Variants in DTNB observed in about 807,000 individuals in gnomAD.
DTNB encodes the protein dystrobrevin beta.
Under a neutral mutation model 90.7 loss-of-function variants are expected in DTNB, and 63 were observed. The observed-to-expected ratio is 0.69, with a 90% confidence interval of 0.57 to 0.86. The LOEUF (loss-of-function observed/expected upper bound fraction) is 0.86. DTNB is among the 40% of genes least tolerant of loss of function. The probability of loss-of-function intolerance (pLI) is 0.00; values close to 1 mark genes in which losing one functional copy is unlikely to be tolerated. For missense variants in DTNB, 744 were observed against 807.1 expected, an observed-to-expected ratio of 0.92 and a Z score of 0.95; for synonymous variants, 277 against 286.7, an observed-to-expected ratio of 0.97 and a Z score of 0.34.
chr2:25,561,527 C>G (rs2058257052), intron 8 of DTNB, among the ~76,000 whole-genome samples: 1 of 152,192 alleles, frequency 6.6e-6, no homozygotes, highest in African/African-American at 2.4e-5. Flanking sequence ...CTCCAAATCT[C>G]ATGTTGAAAT....
At chr2:25,467,781 G>T (rs2062067633) in intron 10 of DTNB, among the ~76,000 whole-genome samples, 1 of 152,090 alleles carries the variant, frequency 6.6e-6, no homozygotes. Context: ...AAGATGAAAT[G>T]CTTATTGTTC....
intron 4 of DTNB, among the ~76,000 whole-genome samples, chr2:25,616,931 C>CAAAAAA (rs70947896): frequency 5.7e-5 from 4 of 70,552 alleles, no homozygotes; most frequent in East Asian, 4.2e-4. Context: ...GACCCCGTCT[C>CAAAAAA]AAAAAAAAAA....
At chr2:25,571,804 C>T (rs766759683) in intron 8 of DTNB, among the ~76,000 whole-genome samples, 34 of 151,976 alleles carry the variant, frequency 2.2e-4, no homozygotes, top group Non-Finnish European at 3.2e-4. Flanking sequence ...CAATGTATAT[C>T]GGCAGTGGGG....
At chr2:25,609,633 C>T (rs1002050672) in intron 4 of DTNB, among the ~76,000 whole-genome samples, 1 of 140,956 alleles carries the variant, frequency 7.1e-6, no homozygotes, top group Non-Finnish European at 1.5e-5. Context: ...TGTTGCTATG[C>T]ATAAACATTT....
intron 6 of DTNB, among the ~76,000 whole-genome samples, chr2:25,595,531 T>C (rs1330882000): frequency 1.3e-5 from 2 of 152,174 alleles, no homozygotes; most frequent in Non-Finnish European, 2.9e-5. Flanking sequence ...TAGCAACCAT[T>C]TGTTAGGTGT....
At chr2:25,379,234 A>T in intron 20 of DTNB, 56 bp downstream of exon 20, 1 of 1,295,258 alleles carries the variant, frequency 7.7e-7, no homozygotes, top group Non-Finnish European at 9.9e-7. Context: ...GGGGAAGGGA[A>T]GATGCTGAGG....
At chr2:25,546,843 CTTTTT>C (rs930703040) in intron 8 of DTNB, among the ~76,000 whole-genome samples, 1 of 145,598 alleles carries the variant, frequency 6.9e-6, no homozygotes, top group African/African-American at 2.5e-5. Context: ...ATCTTCTATT[CTTTTT>C]TTTTTTTTCT....
intron 4 of DTNB, among the ~76,000 whole-genome samples, chr2:25,609,203 C>A (rs946144629): frequency 6.6e-6 from 1 of 152,202 alleles, no homozygotes; most frequent in Non-Finnish European, 1.5e-5. Context: ...CTATTACTTA[C>A]AACTAAGAAC....
chr2:25,633,089 G>C (rs527571784), intron 3 of DTNB, among the ~76,000 whole-genome samples: 1 of 152,310 alleles, frequency 6.6e-6, no homozygotes, highest in Non-Finnish European at 1.5e-5. Context: ...ACAATTGCTA[G>C]AAATAAGATC....
intron 6 of DTNB, among the ~76,000 whole-genome samples, chr2:25,584,637 A>G (rs1244766554): frequency 5.9e-5 from 9 of 151,640 alleles, no homozygotes; most frequent in Admixed American, 1.3e-4. Flanking sequence ...ACTCACTGCA[A>G]CCTCCACCTC....
intron 8 of DTNB, among the ~76,000 whole-genome samples, chr2:25,537,274 A>T (rs2080050149): frequency 6.6e-6 from 1 of 152,164 alleles, no homozygotes; most frequent in Non-Finnish European, 1.5e-5. Flanking sequence ...TTTATAATGA[A>T]ACACTGCATC....
intron 9 of DTNB, among the ~76,000 whole-genome samples, chr2:25,511,783 A>G (rs1363812694): frequency 1.3e-5 from 2 of 152,196 alleles, no homozygotes; most frequent in South Asian, 2.1e-4. Flanking sequence ...ATTCATCTCA[A>G]TAAACTCTAT....
intron 1 of DTNB, among the ~76,000 whole-genome samples, chr2:25,661,425 A>G (rs1399309545): frequency 6.6e-6 from 1 of 152,256 alleles, no homozygotes; most frequent in Non-Finnish European, 1.5e-5. Context: ...AAAAAGTTGC[A>G]CATAATAACT....
At chr2:25,667,907 G>T (rs950506673) in intron 1 of DTNB, among the ~76,000 whole-genome samples, 12 of 152,144 alleles carry the variant, frequency 7.9e-5, no homozygotes, top group Non-Finnish European at 1.8e-4. Flanking sequence ...ACAAACTGTG[G>T]TGCTTCCATA....
intron 10 of DTNB, among the ~76,000 whole-genome samples, chr2:25,472,837 T>C (rs1461659682): frequency 1.3e-5 from 2 of 152,208 alleles, no homozygotes; most frequent in Non-Finnish European, 2.9e-5. Context: ...TGAGCCAAGA[T>C]TGTGCCACTG....
At chr2:25,611,415 AG>A (rs999361374) in intron 4 of DTNB, among the ~76,000 whole-genome samples, 15 of 152,324 alleles carry the variant, frequency 9.8e-5, no homozygotes, top group African/African-American at 3.1e-4. Flanking sequence ...TAACATTCTA[AG>A]GATTATATAC....
rs1298725081 is a variant in DTNB, at chr2:25,650,973, AAT to A, written c.67+1619_67+1620del. On this transcript the variant is annotated intron_variant, in intron 2 of 20. Coordinates refer to ENST00000406818, the MANE Select transcript of DTNB (RefSeq NM_021907.5). ...GAGACTCCCTCTCAAAAAAAAAAAA[AAT>A]AATAATAATAAGTAGCACAGATTTA... Among the ~76,000 whole-genome samples, 73 of 148,172 alleles carry A rather than the reference AAT, an allele frequency of 4.9e-4. 4 individuals are homozygous for A. Among genetic ancestry groups the A allele is most frequent in the Non-Finnish European group, 5.5e-4 (36 of 65,886 alleles).
intron 1 of DTNB, among the ~76,000 whole-genome samples, chr2:25,659,090 T>TA (rs991932736): frequency 3.7e-4 from 55 of 148,180 alleles, no homozygotes; most frequent in African/African-American, 8.4e-4. Flanking sequence ...TGCATGCAAT[T>TA]AAAAAAAAAA....
chr2:25,660,988 C>A (rs1257805570), intron 1 of DTNB, among the ~76,000 whole-genome samples: 2 of 152,180 alleles, frequency 1.3e-5, no homozygotes, highest in Admixed American at 1.3e-4. Context: ...ATTTTGCCAA[C>A]AGCATGGGTA....
Sources: allele counts gnomAD v4.1 joint callset (sites outside exome capture counted in the v4.1 genomes callset), GRCh38; gene constraint gnomAD v4.1.1; transcripts MANE v1.5; gene names NCBI Gene and HGNC (gene_info 2026-07-23, HGNC 2026-07-21).